The following COPB2 variants were observed in gnomAD, a reference collection of about 807,000 sequenced individuals.
COPB2 encodes coat protein complex I subunit beta 2, also known as coatomer subunit beta'.
Under a neutral mutation model 120.8 loss-of-function variants are expected in COPB2, and 16 were observed. The observed-to-expected ratio is 0.13, with a 90% CI of 0.09 to 0.20. The LOEUF is 0.20. Among genes scored for constraint, COPB2 ranks in the 10% least tolerant of loss-of-function variants. The pLI is 1.00. For synonymous variants in COPB2, 332 were observed against 366.3 expected, an observed-to-expected ratio of 0.91 and a Z score of 1.07; for missense variants, 794 against 1,076.5, an observed-to-expected ratio of 0.74 and a Z score of 3.67.
At chr3:139,368,782 C>T (rs1478056660) in intron 12 of COPB2, among the ~76,000 whole-genome samples, 1 of 152,154 alleles carries the variant, frequency 6.6e-6, no homozygotes, top group African/African-American at 2.4e-5. Context: ...GCTCTAGAAC[C>T]AGACCCCAGA....
Position 139,373,757 on chromosome 3 carries a change from T to C in COPB2, c.803A>G (p.Asn268Ser). 6.2e-7 allele frequency: 1 copy of C among 1,614,122 alleles called. No homozygotes were observed. The highest frequency in any genetic ancestry group is 1.1e-5 in the South Asian group (1 of 91,086). The part of the protein sequence containing the change: ...SSTYRLESTL[N>S]YGMERVWCVA... ...GCACCATACCCTCTCCATTCCATAA[T>C]TCAGTGTGCTCTCAAGCCGGTAGGT... Residue 268 changes from asparagine to serine, a missense_variant, in exon 8 of 22, where the codon AAT becomes AGT. Physicochemically the swap from Asn to Ser is conservative, Grantham distance 46. Around this residue, in one of 3 missense-constraint regions of COPB2, gnomAD observed 610 missense variants for 866.7 expected, o/e 0.70. Coordinates refer to ENST00000333188, the MANE Select transcript of COPB2 (RefSeq NM_004766.3).
chr3:139,376,370 T>C (rs1941713172), intron 5 of COPB2, among the ~76,000 whole-genome samples: 1 of 152,224 alleles, frequency 6.6e-6, no homozygotes, highest in South Asian at 2.1e-4. Flanking sequence ...AGAATTAAGC[T>C]TTATCTTTAC....
intron 8 of COPB2, 95 bp from the exon 9 acceptor site, chr3:139,373,507 T>A: frequency 6.6e-7 from 1 of 1,519,148 alleles, no homozygotes. Context: ...GAGAGCTCCA[T>A]TTCCTTTCTT....
intron 15 of COPB2, among the ~76,000 whole-genome samples, chr3:139,363,363 C>T (rs1037307193): frequency 8.5e-5 from 13 of 152,244 alleles, no homozygotes; most frequent in Admixed American, 7.8e-4. Flanking sequence ...GAGCATGAAC[C>T]CTATTGTGAA....
chr3:139,365,441 A>C (rs901324560), intron 15 of COPB2, among the ~76,000 whole-genome samples: 1 of 152,242 alleles, frequency 6.6e-6, no homozygotes, highest in Non-Finnish European at 1.5e-5. Flanking sequence ...GAACAATGGC[A>C]CTTTCAGATA....
chr3:139,376,663 A>G (rs545197254), intron 5 of COPB2, among the ~76,000 whole-genome samples: 1 of 152,370 alleles, frequency 6.6e-6, no homozygotes, highest in African/African-American at 2.4e-5. Flanking sequence ...AACTACTAAC[A>G]GTGTTTTATA....
rs534772541 is a variant in COPB2, at chr3:139,378,384, A to C, written c.356-195T>G. 1.1e-4 allele frequency among the ~76,000 whole-genome samples: 17 copies of C among 152,348 alleles called. No individual in the cohort carries two copies. The East Asian group carries it at 2.7e-3, about 24-fold the overall frequency. On this transcript the variant is annotated intron_variant, in intron 4 of 21. Coordinates refer to ENST00000333188, the MANE Select transcript of COPB2 (RefSeq NM_004766.3). ...AATTTAACTCTCTACAGAAAAGTGG[A>C]GATAAAATAAATAAAATAGATTAGA...
intron 10 of COPB2, 55 bp from the exon 11 acceptor site, chr3:139,369,599 T>C: frequency 9.4e-7 from 1 of 1,059,220 alleles, no homozygotes; most frequent in Admixed American, 2.4e-5. Context: ...ATCATAGTTC[T>C]ACCAAATGTT....
At chr3:139,383,865 T>G (rs996300407) in intron 1 of COPB2, among the ~76,000 whole-genome samples, 3 of 152,212 alleles carry the variant, frequency 2.0e-5, no homozygotes, top group African/African-American at 7.2e-5. Context: ...AAAATAACTA[T>G]GTTTTCAAAA....
intron 2 of COPB2, 54 bp from the exon 3 acceptor site, chr3:139,379,520 A>C: frequency 1.2e-5 from 17 of 1,374,202 alleles, no homozygotes; most frequent in Non-Finnish European, 1.7e-5. Flanking sequence ...TAACCACAAA[A>C]TCTACTCTGT....
intron 1 of COPB2, among the ~76,000 whole-genome samples, chr3:139,387,869 G>A (rs1941952030): frequency 1.3e-5 from 2 of 152,180 alleles, no homozygotes; most frequent in Admixed American, 1.3e-4. Context: ...GAGTTAGCCA[G>A]TTAGAGCAGT....
chr3:139,379,219 T>A, intron 3 of COPB2, 46 bp from the exon 4 acceptor site: 1 of 1,566,128 alleles, frequency 6.4e-7, no homozygotes, highest in Admixed American at 2.0e-5. Flanking sequence ...ATCAAGTAAA[T>A]TATACAAAAA....
chr3:139,358,206 T>A lies in COPB2; in HGVS notation c.2619A>T (p.Glu873Asp), dbSNP rs1442183493. The change falls in exon 21 of 22, where the codon GAA (glutamate) becomes GAT (aspartate). Residue 873 changes from glutamate (E) to aspartate (D), a missense_variant. This residue lies in a region of COPB2 where 178 missense variants were observed against 183.2 expected (regional missense o/e 0.97). Coordinates refer to ENST00000333188, the MANE Select transcript of COPB2 (RefSeq NM_004766.3). ...AGTATGATGTCTGACCTACCTTTTC[T>A]TCTTTGTTGGCTGTGTGGGAGGCCA... ...VIVASHTANK[E>D]EKSLLELEVD... The A allele has an allele frequency of 6.2e-7, 1 of 1,614,114 alleles. No individual in the cohort carries two copies. The highest frequency in any genetic ancestry group is 8.5e-7 in the Non-Finnish European group (1 of 1,179,950).
intron 8 of COPB2, 114 bp downstream of exon 8, chr3:139,373,552 T>A: frequency 1.3e-6 from 2 of 1,523,458 alleles, no homozygotes; most frequent in East Asian, 4.5e-5. Context: ...TGTCTAGTGC[T>A]TAATGAAAGA....
chr3:139,358,950 T>C (rs1432342021), intron 19 of COPB2, 48 bp downstream of exon 19: 9 of 1,598,366 alleles, frequency 5.6e-6, no homozygotes, highest in Non-Finnish European at 7.7e-6. Context: ...TGAATGTACT[T>C]CCACCCTGTA....
Position 139,378,141 on chromosome 3 carries a change from G to A in COPB2, c.404C>T (p.Ser135Leu), listed in dbSNP as rs1941749828. The A allele has an allele frequency of 6.3e-7, 1 of 1,584,318 alleles. No homozygotes were observed. The highest frequency in any genetic ancestry group is 8.6e-7 in the Non-Finnish European group (1 of 1,158,196). ...LWDWDKKWSC[S>L]QVFEGHTHYV... ...ATGGGTGTGTCCTTCAAACACTTGT[G>A]AGCAAGACCATTTTTTATCCCAGTC... Residue 135 changes from serine to leucine, a missense_variant, in exon 5 of 22, where the codon TCA (serine) becomes TTA (leucine). This residue lies in a region of COPB2 where 610 missense variants were observed against 866.7 expected (regional missense o/e 0.70). Transcript: ENST00000333188.
intron 1 of COPB2, among the ~76,000 whole-genome samples, chr3:139,387,275 G>GAAAGA (rs1169135653): frequency 6.6e-6 from 1 of 151,830 alleles, no homozygotes; most frequent in East Asian, 1.9e-4. Flanking sequence ...AAAAAGAAAA[G>GAAAGA]AAAGAAAAGA....
At chr3:139,359,514 T>A in intron 17 of COPB2, 152 bp from the exon 18 acceptor site, 1 of 672,448 alleles carries the variant, frequency 1.5e-6, no homozygotes, top group Non-Finnish European at 2.6e-6. Flanking sequence ...TAATGGTTGT[T>A]AATCAACACA....
chr3:139,388,542 A>T (rs971813155), intron 1 of COPB2, among the ~76,000 whole-genome samples: 17 of 151,804 alleles, frequency 1.1e-4, no homozygotes, highest in Non-Finnish European at 2.1e-4. Flanking sequence ...AACATAATTT[A>T]AAAAAATTTT....
Sources: allele counts gnomAD v4.1 joint callset (sites outside exome capture counted in the v4.1 genomes callset), GRCh38; gene constraint gnomAD v4.1.1; regional missense constraint gnomAD v4.1.1; transcripts MANE v1.5; gene names NCBI Gene and HGNC (gene_info 2026-07-23, HGNC 2026-07-21).